Variants in RPS9 observed in about 807,000 individuals in gnomAD.
RPS9 encodes the protein ribosomal protein S9, also known as small ribosomal subunit protein uS4.
Under a neutral mutation model 16.9 loss-of-function variants are expected in RPS9, and 1 was observed. The ratio of observed to expected loss-of-function variants is 0.06; its 90% confidence interval spans 0.02 to 0.28. The LOEUF (loss-of-function observed/expected upper bound fraction) is 0.28. RPS9 is among the 10% of genes least tolerant of loss of function. The pLI, the probability that RPS9 is intolerant of heterozygous loss-of-function variation, is 1.00. For synonymous variants in RPS9, 106 were observed against 110.9 expected (o/e 0.96, Z 0.28); for missense variants, 137 against 273.2 (o/e 0.50, Z 3.51).
chr19:54,201,363 C>A, intron 2 of RPS9, 82 bp downstream of exon 2: 1 of 1,608,214 alleles, frequency 6.2e-7, no homozygotes, highest in South Asian at 1.1e-5. Flanking sequence ...TGTACTCTAT[C>A]TAGTCCGTCC....
intron 3 of RPS9, among the ~76,000 whole-genome samples, chr19:54,204,964 G>C (rs2077190594): frequency 6.6e-6 from 1 of 152,140 alleles, no homozygotes; most frequent in South Asian, 2.1e-4. Context: ...GCTCCCTACT[G>C]GGAAAACTTT....
At chr19:54,201,641 G>T (rs372531707) in intron 3 of RPS9, 32 bp downstream of exon 3, 1 of 1,612,988 alleles carries the variant, frequency 6.2e-7, no homozygotes, top group Non-Finnish European at 8.5e-7. Flanking sequence ...AGAGGGATGG[G>T]GTGCAGGGCT....
At chr19:54,206,974 G>C in intron 4 of RPS9, 1 of 449,224 alleles carries the variant, frequency 2.2e-6, no homozygotes, top group South Asian at 2.9e-5. Flanking sequence ...TGAGCCGTAG[G>C]CAGAGCCTTG....
At chr19:54,201,387 C>T (rs2077045528) in intron 2 of RPS9, 100 bp from the exon 3 acceptor site, 3 of 1,606,358 alleles carry the variant, frequency 1.9e-6, no homozygotes, top group Non-Finnish European at 2.6e-6. Flanking sequence ...AAATTTGGTA[C>T]TATTCGTGGT....
At chr19:54,203,172 A>G in intron 3 of RPS9, 2 of 926,708 alleles carry the variant, frequency 2.2e-6, no homozygotes. Flanking sequence ...TCCTAATTGC[A>G]ATGAAACTTA....
In RPS9 at chr19:54,201,085, C is replaced by G. The variant is rs888989761; in HGVS notation, c.-25-75C>G. On this transcript the variant is annotated intron_variant, in intron 1 of 4. Transcript: ENST00000302907. ...CTCGCGAGATCGGATCTGGGCTCCG[C>G]GAGGTTTTGGCGTAGTTGTGGGACT... 3.2e-6 allele frequency: 5 copies of G among 1,570,772 alleles called. No individual in the cohort carries two copies. The Admixed American group carries it at 9.2e-5, about 29-fold the overall frequency.
chr19:54,204,797 T>A (rs17305332), intron 3 of RPS9, among the ~76,000 whole-genome samples: 1 of 152,012 alleles, frequency 6.6e-6, no homozygotes, highest in Non-Finnish European at 1.5e-5. Flanking sequence ...TCATTTTCAT[T>A]GCCTTTTGGA....
At chr19:54,206,009 G>A (rs1485175147) in intron 3 of RPS9, among the ~76,000 whole-genome samples, 2 of 152,174 alleles carry the variant, frequency 1.3e-5, no homozygotes, top group Admixed American at 1.3e-4. Context: ...GTGGAGACGG[G>A]CTTTCGCCAT....
chr19:54,206,044 T>A (rs1283329315), intron 3 of RPS9, among the ~76,000 whole-genome samples: 1 of 152,144 alleles, frequency 6.6e-6, no homozygotes, highest in African/African-American at 2.4e-5. Flanking sequence ...TCTCTCAAAC[T>A]CCTGACCTCA....
rs147808381 is a variant in RPS9, at chr19:54,207,069, T to C, written c.408-329T>C. 2,249 of 451,320 alleles carry C rather than the reference T, an allele frequency of 5.0e-3. 33 individuals carry two copies. Among genetic ancestry groups the C allele is most frequent in the African/African-American group, 0.04 (2,029 of 51,072 alleles). The allele number at this position is 451,320 out of a possible 1,614,324, so 28.0% of individuals were successfully genotyped here. A position where few individuals can be genotyped will look rare whatever the true frequency, so the allele number is the denominator to read the frequency against. On this transcript the variant is annotated intron_variant, in intron 4 of 4. Coordinates refer to ENST00000302907, the MANE Select transcript of RPS9 (RefSeq NM_001013.4). ...TGCTGCACGTGGTAATACAGCTCAGTGTCAGGTGTGGGGTTCACGATATTT... is the reference window on the plus strand; with the variant it reads ...TGCTGCACGTGGTAATACAGCTCAGCGTCAGGTGTGGGGTTCACGATATTT...
chr19:54,200,941 G>A (rs955639671), intron 1 of RPS9, 53 bp downstream of exon 1: 8 of 1,366,694 alleles, frequency 5.9e-6, no homozygotes, highest in Non-Finnish European at 6.6e-6. Flanking sequence ...ATGGTGGCCC[G>A]GGCCTTCCGA....
At chr19:54,201,335 C>A in intron 2 of RPS9, 54 bp downstream of exon 2, 1 of 1,613,234 alleles carries the variant, frequency 6.2e-7, no homozygotes, top group Non-Finnish European at 8.5e-7. Flanking sequence ...GCGGTTAGCA[C>A]GTGGATGAAG....
Position 54,201,470 on chromosome 19 carries a change from C to G in RPS9, c.98-17C>G. The G allele has an allele frequency of 6.2e-7, 1 of 1,613,938 alleles. No homozygotes were observed. The highest frequency in any genetic ancestry group is 8.5e-7 in the Non-Finnish European group (1 of 1,179,938). ...AGTACGTGGGACTACACTTGTCCACCCCCTTCTCCCCACCAGGCGAGTATG... is the reference window on the plus strand; with the variant it reads ...AGTACGTGGGACTACACTTGTCCACGCCCTTCTCCCCACCAGGCGAGTATG... On this transcript the variant is annotated splice_polypyrimidine_tract_variant and intron_variant, in intron 2 of 4. Transcript: ENST00000302907.
intron 3 of RPS9, 195 bp downstream of exon 3, chr19:54,201,804 CTT>C: frequency 8.0e-7 from 1 of 1,255,222 alleles, no homozygotes; most frequent in Non-Finnish European, 1.1e-6. Context: ...AGGTGTGTGG[CTT>C]TTTTGCCCAG....
Position 54,204,870 on chromosome 19 carries a change from C to T in RPS9, c.221-1406C>T, listed in dbSNP as rs192952851. ...CCTCTGATGTTGAGTTAAAAAAGAACAAAAATTGAAGCCATAGTATGACAT... is the reference window on the plus strand; with the variant it reads ...CCTCTGATGTTGAGTTAAAAAAGAATAAAAATTGAAGCCATAGTATGACAT... On this transcript the variant is annotated intron_variant, in intron 3 of 4. Transcript: ENST00000302907. Among the ~76,000 whole-genome samples the T allele has an allele frequency of 2.7e-4, 41 of 152,170 alleles. 1 individual carries two copies. In the East Asian group the frequency reaches 7.5e-3, roughly 28 times the overall value.
At position 54,203,388 on chromosome 19, in the gene RPS9, C is replaced by T. The variant is rs1451325235; in HGVS notation, c.220+1779C>T. The T allele has an allele frequency of 5.0e-6, 4 of 797,440 alleles. No homozygotes were observed. The African/African-American group carries it at 7.5e-5, about 15-fold the overall frequency. 49.4% of individuals were successfully genotyped at this position (797,440 alleles called of 1,614,324 possible). On this transcript the variant is annotated intron_variant, in intron 3 of 4. Transcript: ENST00000302907. ...TGCCTTGATTCAGATCCTGCCTTTC[C>T]CACTAAGATGTGTGACTAGCGAGAT...
At chr19:54,202,561 G>C (rs768619608) in intron 3 of RPS9, 2 of 981,980 alleles carry the variant, frequency 2.0e-6, no homozygotes, top group Non-Finnish European at 2.4e-6. Context: ...TAATTGTGGT[G>C]AAATACACAT....
intron 1 of RPS9, 28 bp downstream of exon 1, chr19:54,200,916 T>C: frequency 7.6e-7 from 1 of 1,308,872 alleles, no homozygotes; most frequent in Non-Finnish European, 9.7e-7. Flanking sequence ...GCTTTTTCTC[T>C]AGGGTTTGGG....
intron 4 of RPS9, 109 bp downstream of exon 4, chr19:54,206,571 G>T (rs1230935444): frequency 6.4e-7 from 1 of 1,558,336 alleles, no homozygotes; most frequent in African/African-American, 1.4e-5. Flanking sequence ...GGTGATGGGT[G>T]TGAACTCACC....
Sources: gnomAD v4.1 joint callset for allele counts (sites outside exome capture counted in the v4.1 genomes callset) on GRCh38, gnomAD v4.1.1 for gene constraint, MANE v1.5 for transcripts, NCBI Gene and HGNC (gene_info 2026-07-23, HGNC 2026-07-21) for gene names.